DROSHA: variants seen among roughly 807,000 people sequenced by gnomAD.
DROSHA encodes ribonuclease 3.
A neutral mutation model predicts 181.9 loss-of-function variants in DROSHA; 56 were observed. The observed-to-expected ratio is 0.31, with a 90% CI of 0.25 to 0.38. The LOEUF (loss-of-function observed/expected upper bound fraction) is 0.38, where lower values mean the gene tolerates loss of function less well. DROSHA is among the 10% of genes least tolerant of loss of function. The pLI is 1.00. For synonymous variants in DROSHA, 524 were observed against 591.2 expected (o/e 0.89, Z 1.65); for missense variants, 1,218 against 1,743.5 (o/e 0.70, Z 5.37).
chr5:31,464,111 ATAT>A, intron 20 of DROSHA, 122 bp downstream of exon 20: 1 of 787,118 alleles, frequency 1.3e-6, no homozygotes, highest in African/African-American at 1.8e-5. Context: ...TTTATAGTTG[ATAT>A]TCCATTTAGT....
intron 27 of DROSHA, among the ~76,000 whole-genome samples, chr5:31,425,536 C>T (rs1389374677): frequency 6.6e-6 from 1 of 152,074 alleles, no homozygotes; most frequent in African/African-American, 2.4e-5. Flanking sequence ...TATCAAACTT[C>T]GGGCCCTTGC....
Position 31,426,533 on chromosome 5 carries a change from A to G in DROSHA, c.3217-2062T>C, listed in dbSNP as rs897270789. Among the ~76,000 whole-genome samples, 3 of 152,192 alleles carry G rather than the reference A, an allele frequency of 2.0e-5. No homozygotes were observed. The East Asian group carries it at 5.8e-4, about 29-fold the overall frequency. On this transcript the variant is annotated intron_variant, in intron 27 of 35. Coordinates refer to ENST00000344624, the MANE Select transcript of DROSHA (RefSeq NM_001382508.1). ...CTGGAGGTGTCAGATAAAGCTTCAA[A>G]GAGGAGATGATTCTTCAGATGTGTC...
intron 16 of DROSHA, among the ~76,000 whole-genome samples, chr5:31,480,157 G>A (rs1384439137): frequency 5.9e-5 from 5 of 85,300 alleles, no homozygotes; most frequent in East Asian, 2.6e-4. Flanking sequence ...TCTTTTGCCC[G>A]TTTTTCTATT....
At chr5:31,468,990 T>C (rs1749429727) in intron 17 of DROSHA, among the ~76,000 whole-genome samples, 1 of 152,174 alleles carries the variant, frequency 6.6e-6, no homozygotes, top group East Asian at 1.9e-4. Flanking sequence ...TCTCAGCAAC[T>C]GGGACAAACT....
intron 30 of DROSHA, among the ~76,000 whole-genome samples, chr5:31,418,953 C>T (rs1742301986): frequency 6.6e-6 from 1 of 152,164 alleles, no homozygotes; most frequent in African/African-American, 2.4e-5. Context: ...TAGAAGTCAT[C>T]TGCCGGTAAG....
chr5:31,474,419 G>A (rs531516489), intron 16 of DROSHA, among the ~76,000 whole-genome samples: 8 of 152,112 alleles, frequency 5.3e-5, no homozygotes, highest in Admixed American at 1.3e-4. Flanking sequence ...CTGGAGTGCA[G>A]TGATGCCATC....
intron 20 of DROSHA, among the ~76,000 whole-genome samples, chr5:31,459,416 A>T (rs1412170173): frequency 4.6e-4 from 9 of 19,666 alleles, no homozygotes; most frequent in African/African-American, 1.6e-3. Flanking sequence ...CCATGTCTTA[A>T]AAAAAAAAAA....
In DROSHA at chr5:31,526,405, G is replaced by A. The variant is rs780628468; in HGVS notation, c.528C>T (p.Asn176=). 2 of 1,613,298 alleles carry A rather than the reference G, an allele frequency of 1.2e-6. No individual in the cohort carries two copies. Among genetic ancestry groups the A allele is most frequent in the African/African-American group, 2.7e-5 (2 of 74,636 alleles). Residue 176 remains asparagine (N), a synonymous_variant, in exon 5 of 36, where the codon AAC becomes AAT. Coordinates refer to ENST00000344624, the MANE Select transcript of DROSHA (RefSeq NM_001382508.1). ...AACTATTAAAACTGGGAGGTGGGAA[G>A]TTGTGGTGAGAATAGCCCGGAGGGT... is the stretch of plus-strand genomic sequence containing the variant. The part of the protein sequence containing the change: ...YQYPPGYSHH[N]FPPPSFNSFQ...
At chr5:31,407,334 T>C (rs1030825434) in intron 33 of DROSHA, among the ~76,000 whole-genome samples, 2 of 152,186 alleles carry the variant, frequency 1.3e-5, no homozygotes, top group African/African-American at 4.8e-5. Context: ...CCTAAAACAA[T>C]AAATATTGGG....
intron 23 of DROSHA, among the ~76,000 whole-genome samples, chr5:31,444,773 T>A (rs1354351700): frequency 2.0e-5 from 3 of 152,188 alleles, no homozygotes; most frequent in Non-Finnish European, 4.4e-5. Flanking sequence ...TTTAATTCAT[T>A]CTTTTCTGAT....
intron 27 of DROSHA, among the ~76,000 whole-genome samples, chr5:31,426,839 G>A (rs771243698): frequency 4.6e-5 from 7 of 152,112 alleles, no homozygotes; most frequent in Non-Finnish European, 1.0e-4. Context: ...TATGAATGAT[G>A]GACTGGAGCG....
At chr5:31,446,587 T>A (rs1746328103) in intron 23 of DROSHA, among the ~76,000 whole-genome samples, 1 of 140,094 alleles carries the variant, frequency 7.1e-6, no homozygotes, top group Non-Finnish European at 1.5e-5. Flanking sequence ...AAAAGACAGA[T>A]AAATGGAAAG....
chr5:31,461,442 T>A (rs1748393618), intron 20 of DROSHA, among the ~76,000 whole-genome samples: 1 of 152,188 alleles, frequency 6.6e-6, no homozygotes, highest in Non-Finnish European at 1.5e-5. Context: ...CTGTAAGATG[T>A]ATCTGTAGAA....
At chr5:31,424,219 C>T (rs1743168388) in intron 28 of DROSHA, among the ~76,000 whole-genome samples, 1 of 152,132 alleles carries the variant, frequency 6.6e-6, no homozygotes, top group Admixed American at 6.5e-5. Context: ...CAATGCTCCC[C>T]CTACCCTATT....
In DROSHA at chr5:31,451,964, A is replaced by T. The variant is rs1747091447; in HGVS notation, c.2575-324T>A. Among the ~76,000 whole-genome samples the T allele has an allele frequency of 2.0e-5, 3 of 152,286 alleles. 1 individual carries two copies. The highest frequency in any genetic ancestry group is 2.0e-4 in the Admixed American group (3 of 15,306). ...AGAATAATAAATATACCTACTTCCG[A>T]GGATAGCTAAAAGGATTAAAAGAGG... is the stretch of plus-strand genomic sequence containing the variant. On this transcript the variant is annotated intron_variant, in intron 20 of 35. Transcript: ENST00000344624.
rs1397819978 is a variant in DROSHA, at chr5:31,493,207, A to C, written c.1842T>G (p.Asn614Lys). Residue 614 changes from asparagine to lysine, a missense_variant and splice_region_variant, in exon 13 of 36, where the codon AAT (asparagine) becomes AAG (lysine). This residue lies in a region of DROSHA where 460 missense variants were observed against 774.2 expected (regional missense o/e 0.59). Coordinates refer to ENST00000344624, the MANE Select transcript of DROSHA (RefSeq NM_001382508.1). ...FSMFAHAPLT[N>K]IPLCKVIRFN... Reference sequence around the variant, plus strand: ...AAGCAGCCAACTGGCACATACTTACATTGGTCAGGGGGGCATGTGCAAACA... The same window carrying C: ...AAGCAGCCAACTGGCACATACTTACCTTGGTCAGGGGGGCATGTGCAAACA... 6.2e-7 allele frequency: 1 copy of C among 1,604,456 alleles called. No individual in the cohort carries two copies. The highest frequency in any genetic ancestry group is 1.7e-5 in the Admixed American group (1 of 58,542).
In DROSHA at chr5:31,511,024, C is replaced by T; in HGVS notation, c.1432+11G>A. The T allele has an allele frequency of 1.2e-6, 2 of 1,613,822 alleles. No individual in the cohort carries two copies. The highest frequency in any genetic ancestry group is 8.5e-7 in the Non-Finnish European group (1 of 1,179,836). ...GCAAGGGTCTCAGGCTAGTTAGTGA[C>T]TCTGACTCACCTAAATCTTCATCGA... On this transcript the variant is annotated intron_variant, in intron 9 of 35. Coordinates refer to ENST00000344624, the MANE Select transcript of DROSHA (RefSeq NM_001382508.1).
At chr5:31,476,263 G>A (rs1750359843) in intron 16 of DROSHA, among the ~76,000 whole-genome samples, 1 of 152,182 alleles carries the variant, frequency 6.6e-6, no homozygotes, top group African/African-American at 2.4e-5. Flanking sequence ...TACTCAGGAG[G>A]CTGGGGCAGG....
At chr5:31,478,106 T>A (rs568281602) in intron 16 of DROSHA, among the ~76,000 whole-genome samples, 1 of 152,218 alleles carries the variant, frequency 6.6e-6, no homozygotes, top group African/African-American at 2.4e-5. Flanking sequence ...GAGAAAACCA[T>A]AAAATACCTG....
Sources: allele counts gnomAD v4.1 joint callset (sites outside exome capture counted in the v4.1 genomes callset), GRCh38; gene constraint gnomAD v4.1.1; regional missense constraint gnomAD v4.1.1; transcripts MANE v1.5; gene names NCBI Gene and HGNC (gene_info 2026-07-23, HGNC 2026-07-21).